The following YES1 variants were observed in gnomAD, a reference collection of about 807,000 sequenced individuals.
YES1 encodes the protein YES proto-oncogene 1, Src family tyrosine kinase.
In YES1, 39 loss-of-function variants were observed where a neutral mutation model predicts 70.4. That is an observed-to-expected ratio of 0.55 (90% CI 0.43 to 0.72). The LOEUF is 0.72. Ranked by LOEUF, YES1 falls within the 30% of genes least tolerant of loss-of-function variation. YES1 has a pLI of 0.00. For missense variants in YES1, 495 were observed against 644.8 expected (o/e 0.77, Z 2.52); for synonymous variants, 198 against 218.6 (o/e 0.91, Z 0.83).
chr18:804,098 C>A (rs1358143732), intron 1 of YES1, among the ~76,000 whole-genome samples: 2 of 152,134 alleles, frequency 1.3e-5, no homozygotes, highest in Non-Finnish European at 2.9e-5. Flanking sequence ...TTGTCTTGTT[C>A]TAAATATTAA....
intron 11 of YES1, among the ~76,000 whole-genome samples, chr18:731,205 G>C (rs1326808943): frequency 6.6e-6 from 1 of 152,180 alleles, no homozygotes; most frequent in Non-Finnish European, 1.5e-5. Context: ...TTTAAGGTAT[G>C]AAGATGGAAA....
In YES1 at chr18:757,330, C is replaced by T. The variant is rs573615271; in HGVS notation, c.-8-495G>A. 5.0e-4 allele frequency among the ~76,000 whole-genome samples: 76 copies of T among 151,030 alleles called. 1 individual carries two copies. The highest frequency in any genetic ancestry group is 6.9e-3 in the Middle Eastern group (2 of 288). On this transcript the variant is annotated intron_variant, in intron 1 of 11. Coordinates refer to ENST00000314574, the MANE Select transcript of YES1 (RefSeq NM_005433.4). The stretch of plus-strand genomic sequence containing the variant: ...CATCCTGGCTAACACGGTGAAACCC[C>T]GCCTCTACTAAAAATGCAAAAAATT...
At chr18:799,801 T>G (rs1439584508) in intron 1 of YES1, among the ~76,000 whole-genome samples, 1 of 151,954 alleles carries the variant, frequency 6.6e-6, no homozygotes, top group Non-Finnish European at 1.5e-5. Context: ...CTTGGGAGGC[T>G]GAGGTGAGAG....
chr18:766,144 C>T (rs112163023), intron 1 of YES1, among the ~76,000 whole-genome samples: 4 of 152,226 alleles, frequency 2.6e-5, no homozygotes, highest in African/African-American at 4.8e-5. Flanking sequence ...TTTGCCAAGT[C>T]CTTCAGGGGA....
intron 11 of YES1, 26 bp downstream of exon 11, chr18:732,808 C>G: frequency 6.2e-7 from 1 of 1,613,948 alleles, no homozygotes; most frequent in Non-Finnish European, 8.5e-7. Flanking sequence ...CATGAGATAA[C>G]CAAGAGCTAT....
At chr18:777,024 T>C (rs1471971197) in intron 1 of YES1, among the ~76,000 whole-genome samples, 1 of 152,220 alleles carries the variant, frequency 6.6e-6, no homozygotes, top group African/African-American at 2.4e-5. Flanking sequence ...ACCACAAAAA[T>C]CAGGGGGCAA....
intron 10 of YES1, among the ~76,000 whole-genome samples, chr18:735,302 T>C (rs1028346718): frequency 1.3e-5 from 2 of 152,062 alleles, no homozygotes; most frequent in Non-Finnish European, 2.9e-5. Context: ...ATATACACCA[T>C]GGTATACTAC....
intron 1 of YES1, among the ~76,000 whole-genome samples, chr18:776,539 T>C (rs1905393758): frequency 6.6e-6 from 1 of 152,208 alleles, no homozygotes; most frequent in South Asian, 2.1e-4. Flanking sequence ...GTCCTTTTCT[T>C]ATTGACTTGT....
chr18:789,876 G>A (rs1355231153), intron 1 of YES1, among the ~76,000 whole-genome samples: 5 of 151,602 alleles, frequency 3.3e-5, no homozygotes, highest in African/African-American at 4.9e-5. Context: ...TCTGATCAAC[G>A]TGGTGAAACC....
rs1312051070 is a variant in YES1, at chr18:795,063, T to C, written c.-9+17051A>G. On this transcript the variant is annotated intron_variant, in intron 1 of 11. Transcript: ENST00000314574. ...CTACTGATCTCGTGATCCGCCTGCCTTGGCCTCCCAAAGGATGCTATTTCC... is the reference window on the plus strand; with the variant it reads ...CTACTGATCTCGTGATCCGCCTGCCCTGGCCTCCCAAAGGATGCTATTTCC... Among the ~76,000 whole-genome samples, 7 of 152,306 alleles carry C rather than the reference T, an allele frequency of 4.6e-5. No individual in the cohort carries two copies. In the East Asian group the frequency reaches 1.4e-3, roughly 29 times the overall value.
intron 1 of YES1, among the ~76,000 whole-genome samples, chr18:790,480 T>C (rs1319158435): frequency 1.3e-5 from 2 of 152,242 alleles, no homozygotes; most frequent in South Asian, 2.1e-4. Context: ...AATTTCCTCT[T>C]ATTATAACAA....
intron 1 of YES1, among the ~76,000 whole-genome samples, chr18:802,921 TA>T (rs201997522): frequency 2.0e-5 from 3 of 150,690 alleles, no homozygotes; most frequent in Non-Finnish European, 4.4e-5. Flanking sequence ...GTCTCTATTC[TA>T]AAAAAAAATA....
chr18:781,021 C>A (rs1294124250), intron 1 of YES1, among the ~76,000 whole-genome samples: 4 of 152,102 alleles, frequency 2.6e-5, no homozygotes, highest in Non-Finnish European at 4.4e-5. Context: ...TCAATCCCAG[C>A]ACTTTGGGGC....
In YES1 at chr18:733,025, A is replaced by G. The variant is rs1598888585; in HGVS notation, c.1292-60T>C. 2.6e-6 allele frequency: 4 copies of G among 1,542,996 alleles called. No individual in the cohort carries two copies. The East Asian group carries it at 9.0e-5, about 35-fold the overall frequency. On this transcript the variant is annotated intron_variant, in intron 10 of 11. Transcript: ENST00000314574. ...TTTAAAAATCTATTTGTGTAAACATAGCATATGCAGGGCTAATGTTCTGTC... is the reference window on the plus strand; with the variant it reads ...TTTAAAAATCTATTTGTGTAAACATGGCATATGCAGGGCTAATGTTCTGTC...
At chr18:797,130 A>G (rs1906588553) in intron 1 of YES1, among the ~76,000 whole-genome samples, 1 of 152,182 alleles carries the variant, frequency 6.6e-6, no homozygotes, top group South Asian at 2.1e-4. Flanking sequence ...AAGAATATCT[A>G]TAATATATTG....
chr18:739,891 T>A (rs2080197407), intron 8 of YES1, 80 bp from the exon 9 acceptor site: 3 of 1,067,748 alleles, frequency 2.8e-6, no homozygotes, highest in African/African-American at 1.6e-5. Flanking sequence ...CCACCCCAAA[T>A]CACAACACAA....
At chr18:787,566 TG>T (rs1906027863) in intron 1 of YES1, among the ~76,000 whole-genome samples, 1 of 152,008 alleles carries the variant, frequency 6.6e-6, no homozygotes, top group Admixed American at 6.5e-5. Flanking sequence ...AAAGATTGGC[TG>T]GGCATGCTGG....
intron 8 of YES1, 142 bp from the exon 9 acceptor site, chr18:739,953 AAAT>A: frequency 1.6e-6 from 1 of 639,450 alleles, no homozygotes; most frequent in Non-Finnish European, 2.5e-6. Context: ...TGCAGTTTCC[AAAT>A]AATTATCTAG....
intron 3 of YES1, among the ~76,000 whole-genome samples, chr18:751,474 A>G (rs2080342680): frequency 6.6e-6 from 1 of 152,208 alleles, no homozygotes. Flanking sequence ...TCATTCTTAA[A>G]TCTCTACTGT....
Sources: gnomAD v4.1 joint callset for allele counts (sites outside exome capture counted in the v4.1 genomes callset) on GRCh38, gnomAD v4.1.1 for gene constraint, MANE v1.5 for transcripts, NCBI Gene and HGNC (gene_info 2026-07-23, HGNC 2026-07-21) for gene names.